Variants in STAMBPL1 observed in about 807,000 individuals in gnomAD.
STAMBPL1 encodes AMSH-like protease.
In STAMBPL1, 44 loss-of-function variants were observed where a neutral mutation model predicts 52.9. That is an observed-to-expected ratio of 0.83 (90% CI 0.65 to 1.07). STAMBPL1 has a LOEUF of 1.07. STAMBPL1 is among the 50% of genes least tolerant of loss of function. The probability of loss-of-function intolerance (pLI) is 0.00; values close to 1 mark genes in which losing one functional copy is unlikely to be tolerated. For synonymous variants in STAMBPL1, 164 were observed against 177.3 expected (o/e 0.92, Z 0.60); for missense variants, 511 against 520.8 (o/e 0.98, Z 0.18).
At chr10:88,885,210 A>C (rs1229633380) in intron 1 of STAMBPL1, among the ~76,000 whole-genome samples, 2 of 152,152 alleles carry the variant, frequency 1.3e-5, no homozygotes, top group African/African-American at 4.8e-5. Context: ...CCTGTCTTCT[A>C]TACTGCATGC....
chr10:88,883,693 C>A (rs933206185), intron 1 of STAMBPL1, among the ~76,000 whole-genome samples: 29 of 152,290 alleles, frequency 1.9e-4, no homozygotes, highest in Non-Finnish European at 3.5e-4. Flanking sequence ...TAAATTAAAT[C>A]TGTGTTATTT....
At chr10:88,907,570 A>G (rs926257194) in intron 3 of STAMBPL1, among the ~76,000 whole-genome samples, 1 of 152,216 alleles carries the variant, frequency 6.6e-6, no homozygotes. Context: ...ATATCTCAGA[A>G]TTACTGTGTA....
intron 1 of STAMBPL1, among the ~76,000 whole-genome samples, chr10:88,886,105 G>T (rs574621215): frequency 6.6e-6 from 1 of 152,326 alleles, no homozygotes; most frequent in South Asian, 2.1e-4. Flanking sequence ...AAGCATAGGT[G>T]AAAACGCAAA....
intron 1 of STAMBPL1, among the ~76,000 whole-genome samples, chr10:88,897,655 A>G (rs1341858557): frequency 1.3e-5 from 2 of 152,190 alleles, no homozygotes; most frequent in East Asian, 3.9e-4. Flanking sequence ...AAAGCAGCGA[A>G]GTGTGGCTGT....
At chr10:88,907,912 A>G (rs1479414936) in intron 3 of STAMBPL1, among the ~76,000 whole-genome samples, 1 of 152,218 alleles carries the variant, frequency 6.6e-6, no homozygotes, top group Non-Finnish European at 1.5e-5. Context: ...AGTATAAGGC[A>G]TATTGTTTGA....
At chr10:88,908,124 A>G (rs929296519) in intron 3 of STAMBPL1, among the ~76,000 whole-genome samples, 1 of 152,214 alleles carries the variant, frequency 6.6e-6, no homozygotes, top group East Asian at 1.9e-4. Flanking sequence ...GGTTTGCTGT[A>G]GGAATTTCCT....
chr10:88,909,478 A>G (rs979956982), intron 4 of STAMBPL1, among the ~76,000 whole-genome samples: 2 of 152,232 alleles, frequency 1.3e-5, no homozygotes, highest in African/African-American at 4.8e-5. Flanking sequence ...GTAGCATGAA[A>G]TTTTAAATAA....
intron 1 of STAMBPL1, among the ~76,000 whole-genome samples, chr10:88,894,179 C>A (rs867472305): frequency 2.0e-5 from 3 of 152,138 alleles, no homozygotes; most frequent in African/African-American, 7.2e-5. Flanking sequence ...TGGGAAGCTG[C>A]AGTTCTGCTG....
chr10:88,881,828 A>G (rs1234680320), intron 1 of STAMBPL1, among the ~76,000 whole-genome samples: 1 of 152,176 alleles, frequency 6.6e-6, no homozygotes, highest in East Asian at 1.9e-4. Flanking sequence ...ATACTCTGCC[A>G]CTGGATTGTA....
chr10:88,889,694 C>A (rs1483488864), intron 1 of STAMBPL1, among the ~76,000 whole-genome samples: 1 of 152,080 alleles, frequency 6.6e-6, no homozygotes. Flanking sequence ...TTTATACAAC[C>A]TTTACCCTGA....
chr10:88,923,145 A>T (rs777039090), intron 10 of STAMBPL1, 23 bp from the exon 11 acceptor site: 1 of 1,581,730 alleles, frequency 6.3e-7, no homozygotes, highest in South Asian at 1.1e-5. Context: ...AACATATGGT[A>T]AAACCAATTT....
intron 1 of STAMBPL1, among the ~76,000 whole-genome samples, chr10:88,885,905 A>G (rs771461687): frequency 1.8e-4 from 27 of 152,176 alleles, no homozygotes; most frequent in Non-Finnish European, 3.5e-4. Context: ...ATTCTTATAA[A>G]TGTATGTTCT....
intron 5 of STAMBPL1, 93 bp downstream of exon 5, chr10:88,911,104 G>A (rs1845212607): frequency 2.4e-6 from 2 of 837,622 alleles, no homozygotes; most frequent in Non-Finnish European, 3.5e-6. Flanking sequence ...CAAATGTTTT[G>A]TGCATTTAAA....
At chr10:88,921,578 G>A (rs745997129) in intron 9 of STAMBPL1, among the ~76,000 whole-genome samples, 183 bp downstream of exon 9, 9 of 152,170 alleles carry the variant, frequency 5.9e-5, no homozygotes. Flanking sequence ...CCTTTCAGTG[G>A]CAGAATTACT....
At chr10:88,881,724 G>A (rs562253867) in intron 1 of STAMBPL1, among the ~76,000 whole-genome samples, 1 of 152,300 alleles carries the variant, frequency 6.6e-6, no homozygotes, top group East Asian at 1.9e-4. Context: ...GTTTTACACA[G>A]AAATTAAGCC....
At chr10:88,902,739 T>G (rs566275507) in intron 2 of STAMBPL1, among the ~76,000 whole-genome samples, 1 of 151,966 alleles carries the variant, frequency 6.6e-6, no homozygotes, top group Non-Finnish European at 1.5e-5. Context: ...CCCAGCTAAT[T>G]TTTTGTATTT....
chr10:88,881,686 A>G (rs1316197103), intron 1 of STAMBPL1, among the ~76,000 whole-genome samples: 1 of 152,082 alleles, frequency 6.6e-6, no homozygotes, highest in African/African-American at 2.4e-5. Context: ...GTTCGTGTCA[A>G]TTTTTTTGAG....
In STAMBPL1 at chr10:88,903,714, G is replaced by A. The variant is rs567395508; in HGVS notation, c.31-1729G>A. Among the ~76,000 whole-genome samples, 4 of 152,292 alleles carry A rather than the reference G, an allele frequency of 2.6e-5. No homozygotes were observed. In the South Asian group the frequency reaches 8.3e-4, roughly 32 times the overall value. On this transcript the variant is annotated intron_variant, in intron 2 of 10. Coordinates refer to ENST00000371926, the MANE Select transcript of STAMBPL1 (RefSeq NM_020799.4). ...GAGTGTGGTTAGGGAAAAGTGGATG[G>A]ATTGCTGTAGCTTTTGAGACATCTC...
chr10:88,920,340 A>G (rs1362638349), intron 8 of STAMBPL1, among the ~76,000 whole-genome samples: 1 of 152,160 alleles, frequency 6.6e-6, no homozygotes, highest in African/African-American at 2.4e-5. Context: ...GGACTGTCCT[A>G]TTTGATCTTC....
Sources: allele counts gnomAD v4.1 joint callset (sites outside exome capture counted in the v4.1 genomes callset), GRCh38; gene constraint gnomAD v4.1.1; transcripts MANE v1.5; gene names NCBI Gene and HGNC (gene_info 2026-07-23, HGNC 2026-07-21).